Variants in NCOA1 observed in about 807,000 individuals in gnomAD.
NCOA1 encodes the protein Hin-2 protein.
Under a neutral mutation model 150.9 loss-of-function variants are expected in NCOA1, and 35 were observed. The ratio of observed to expected loss-of-function variants is 0.23; its 90% CI spans 0.18 to 0.31. The LOEUF (loss-of-function observed/expected upper bound fraction) is 0.31, where lower values mean the gene tolerates loss of function less well. Among genes scored for constraint, NCOA1 ranks in the 10% least tolerant of loss-of-function variants. NCOA1 has a pLI of 1.00. For missense variants in NCOA1, 1,491 were observed against 1,749.3 expected (o/e 0.85, Z 2.63); for synonymous variants, 590 against 630.0 (o/e 0.94, Z 0.95).
At chr2:24,667,190 A>G (rs1205393364) in intron 6 of NCOA1, among the ~76,000 whole-genome samples, 1 of 152,208 alleles carries the variant, frequency 6.6e-6, no homozygotes, top group Non-Finnish European at 1.5e-5. Context: ...AACAGGAGAA[A>G]CCGTACTGTA....
chr2:24,631,725 A>G (rs1382498529), intron 3 of NCOA1, among the ~76,000 whole-genome samples: 1 of 152,176 alleles, frequency 6.6e-6, no homozygotes, highest in Non-Finnish European at 1.5e-5. Flanking sequence ...AGTCACAATC[A>G]ATGGTGTCAG....
At chr2:24,700,083 C>T (rs1262717396) in intron 11 of NCOA1, among the ~76,000 whole-genome samples, 1 of 151,604 alleles carries the variant, frequency 6.6e-6, no homozygotes, top group Non-Finnish European at 1.5e-5. Flanking sequence ...GTGGAGGTTG[C>T]GGTGAGCCAA....
intron 20 of NCOA1, among the ~76,000 whole-genome samples, 178 bp downstream of exon 20, chr2:24,752,334 G>A (rs753277180): frequency 3.3e-5 from 5 of 152,174 alleles, no homozygotes; most frequent in Non-Finnish European, 5.9e-5. Context: ...TTTATGTGTG[G>A]AGACAGAAAG....
At chr2:24,568,052 A>G (rs535912899) in intron 2 of NCOA1, among the ~76,000 whole-genome samples, 13 of 152,198 alleles carry the variant, frequency 8.5e-5, no homozygotes, top group South Asian at 4.2e-4. Flanking sequence ...CCATTTATCA[A>G]TTTCTTATAT....
intron 1 of NCOA1, among the ~76,000 whole-genome samples, chr2:24,502,866 A>G (rs967883217): frequency 2.0e-5 from 3 of 152,182 alleles, no homozygotes; most frequent in Non-Finnish European, 2.9e-5. Context: ...AAAGTAATCA[A>G]TTCCTCCTGT....
intron 1 of NCOA1, among the ~76,000 whole-genome samples, chr2:24,558,906 T>C (rs1335392016): frequency 6.6e-6 from 1 of 152,150 alleles, no homozygotes; most frequent in Non-Finnish European, 1.5e-5. Flanking sequence ...TCCTGCTGTA[T>C]GCTGTCTGCT....
chr2:24,690,817 A>T (rs991160903), intron 8 of NCOA1, among the ~76,000 whole-genome samples: 7 of 152,084 alleles, frequency 4.6e-5, no homozygotes, highest in Non-Finnish European at 7.4e-5. Context: ...TTTTTCCTAT[A>T]CTGGATCAGG....
At chr2:24,627,121 GTTTTTTTTTTTT>G (rs33949925) in intron 3 of NCOA1, among the ~76,000 whole-genome samples, 1 of 115,146 alleles carries the variant, frequency 8.7e-6, no homozygotes, top group Admixed American at 9.4e-5. Context: ...GTTTTTTGCT[GTTTTTTTTTTTT>G]TTTTTTTTTT....
At chr2:24,618,119 A>T (rs1668956331) in intron 3 of NCOA1, among the ~76,000 whole-genome samples, 1 of 152,128 alleles carries the variant, frequency 6.6e-6, no homozygotes, top group South Asian at 2.1e-4. Flanking sequence ...ATTTTTATTT[A>T]CCTGTATTTT....
chr2:24,704,579 C>G (rs1428267676), intron 11 of NCOA1, among the ~76,000 whole-genome samples: 1 of 152,080 alleles, frequency 6.6e-6, no homozygotes. Flanking sequence ...GAGTTCAAGA[C>G]CAGCCTGACC....
chr2:24,598,917 A>G (rs935908681), intron 3 of NCOA1, among the ~76,000 whole-genome samples: 4 of 152,210 alleles, frequency 2.6e-5, no homozygotes, highest in African/African-American at 9.7e-5. Flanking sequence ...AAAATTTCTT[A>G]AAGATCTAGT....
At chr2:24,500,172 G>A (rs982904985) in intron 1 of NCOA1, among the ~76,000 whole-genome samples, 38 of 151,950 alleles carry the variant, frequency 2.5e-4, no homozygotes, top group South Asian at 2.1e-4. Flanking sequence ...GCAATGGCGC[G>A]ATCTCGGCTC....
intron 1 of NCOA1, among the ~76,000 whole-genome samples, chr2:24,541,698 C>A (rs1558779112): frequency 6.6e-6 from 1 of 152,214 alleles, no homozygotes; most frequent in Non-Finnish European, 1.5e-5. Flanking sequence ...TAACACTGAT[C>A]TAAATAATCC....
At chr2:24,525,207 G>A (rs1664597604) in intron 1 of NCOA1, among the ~76,000 whole-genome samples, 1 of 152,298 alleles carries the variant, frequency 6.6e-6, no homozygotes. Context: ...GTCATCTAAT[G>A]ACCTCTCACT....
In NCOA1 at chr2:24,745,287, G is replaced by A. The variant is rs556412627; in HGVS notation, c.3706+3101G>A. Reference sequence around the variant, plus strand: ...CGCCATTCTCCTGCCTCAGCCTCCCGAGTAGCTGGGACTACAGGCGCCCAC... The same window carrying A: ...CGCCATTCTCCTGCCTCAGCCTCCCAAGTAGCTGGGACTACAGGCGCCCAC... On this transcript the variant is annotated intron_variant, in intron 19 of 22. Coordinates refer to ENST00000348332, the MANE Select transcript of NCOA1 (RefSeq NM_003743.5). Among the ~76,000 whole-genome samples, 7 of 149,506 alleles carry A rather than the reference G, an allele frequency of 4.7e-5. No individual in the cohort carries two copies. In the East Asian group the frequency reaches 1.2e-3, roughly 26 times the overall value.
At chr2:24,521,046 C>A (rs558412838) in intron 1 of NCOA1, among the ~76,000 whole-genome samples, 1 of 152,224 alleles carries the variant, frequency 6.6e-6, no homozygotes, top group South Asian at 2.1e-4. Context: ...CTCTCAACTC[C>A]TTCAGGTCTT....
intron 3 of NCOA1, among the ~76,000 whole-genome samples, chr2:24,600,110 A>C (rs550376094): frequency 6.6e-6 from 1 of 152,276 alleles, no homozygotes; most frequent in South Asian, 2.1e-4. Context: ...CTTTTATTGC[A>C]TATTCCCCAT....
intron 1 of NCOA1, among the ~76,000 whole-genome samples, chr2:24,511,781 G>C (rs114887784): frequency 0.022 from 3,404 of 151,888 alleles, 38 homozygotes; most frequent in South Asian, 0.033. Flanking sequence ...CCATATTGAA[G>C]AAACCATTGT....
chr2:24,753,533 TC>T lies in NCOA1; in HGVS notation c.3881+1378del, dbSNP rs1330439533. Among the ~76,000 whole-genome samples the T allele has an allele frequency of 6.0e-4, 92 of 152,324 alleles. No individual in the cohort carries two copies. The Middle Eastern group carries it at 0.017, about 28-fold the overall frequency. On this transcript the variant is annotated intron_variant, in intron 20 of 22. Coordinates refer to ENST00000348332, the MANE Select transcript of NCOA1 (RefSeq NM_003743.5). The stretch of plus-strand genomic sequence containing the variant: ...CATCATTCCACAGAAAGTGTCCCTG[TC>T]AAGATAGTTAAATGTCCTTTTCAGT...
Sources: allele counts gnomAD v4.1 joint callset (sites outside exome capture counted in the v4.1 genomes callset), GRCh38; gene constraint gnomAD v4.1.1; transcripts MANE v1.5; gene names NCBI Gene and HGNC (gene_info 2026-07-23, HGNC 2026-07-21).